ARG1: variants seen among roughly 807,000 people sequenced by gnomAD.
ARG1 encodes arginase 1, also known as arginase-1.
Under a neutral mutation model 33.0 loss-of-function variants are expected in ARG1, and 20 were observed. The ratio of observed to expected loss-of-function variants is 0.61; its 90% confidence interval spans 0.43 to 0.88. The LOEUF is 0.88. Among genes scored for constraint, ARG1 ranks in the 40% least tolerant of loss-of-function variants. ARG1 has a pLI of 0.00. For synonymous variants in ARG1, 146 were observed against 140.6 expected (o/e 1.04, Z -0.27); for missense variants, 374 against 384.7 (o/e 0.97, Z 0.23).
intron 3 of ARG1, chr6:131,579,789 T>C (rs893913284): frequency 1.2e-5 from 2 of 160,260 alleles, no homozygotes; most frequent in Admixed American, 6.2e-5. Context: ...ATTTCTTTCA[T>C]GGCATCTTTT....
chr6:131,573,917 T>C (rs1773489411), intron 1 of ARG1: 2 of 312,854 alleles, frequency 6.4e-6, no homozygotes, highest in Admixed American at 4.2e-5. Flanking sequence ...TGTGCCTCAC[T>C]TGGAAGGGGA....
At chr6:131,575,931 T>C (rs1233449278) in intron 1 of ARG1, among the ~76,000 whole-genome samples, 1 of 152,202 alleles carries the variant, frequency 6.6e-6, no homozygotes, top group Non-Finnish European at 1.5e-5. Context: ...CTTTTTCTGT[T>C]GCCTGCTTTC....
rs111253965 is a variant in ARG1, at chr6:131,583,487, A to C, written c.798A>C (p.Lys266Asn). Residue 266 changes from lysine to asparagine, a missense_variant, in exon 7 of 8, where the codon AAA (lysine) becomes AAC (asparagine). Coordinates refer to ENST00000368087, the MANE Select transcript of ARG1 (RefSeq NM_000045.4). The part of the protein sequence containing the change: ...EGLYITEEIY[K>N]TGLLSGLDIM... ...TCTACATCACAGAAGAAATCTACAA[A>C]ACAGGTAGTTAACAATCTGAGGTAA... is the stretch of plus-strand genomic sequence containing the variant. 8.4e-5 allele frequency: 136 copies of C among 1,614,106 alleles called. 2 individuals carry two copies. The African/African-American group carries it at 1.6e-3, about 19-fold the overall frequency.
At chr6:131,581,541 G>A (rs1245631115) in intron 4 of ARG1, among the ~76,000 whole-genome samples, 163 bp downstream of exon 4, 1 of 152,186 alleles carries the variant, frequency 6.6e-6, no homozygotes, top group African/African-American at 2.4e-5. Context: ...AAGGCAGTGA[G>A]GCTCTCTATC....
Position 131,581,221 on chromosome 6 carries a change from T to C in ARG1, c.308T>C (p.Leu103Ser), listed in dbSNP as rs761773853. Residue 103 changes from leucine (L) to serine (S), a missense_variant and splice_region_variant, in exon 4 of 8, where the codon TTG (leucine) becomes TCG (serine). Transcript: ENST00000368087. The part of the protein sequence containing the change: ...ISLVLGGDHS[L>S]AIGSISGHAR... ...ACACAAAATTTTTTCCCCAAAAGTT[T>C]GGCAATTGGAAGCATCTCTGGCCAT... 5 of 1,613,774 alleles carry C rather than the reference T, an allele frequency of 3.1e-6. No individual in the cohort carries two copies. The highest frequency in any genetic ancestry group is 4.2e-6 in the Non-Finnish European group (5 of 1,179,780).
intron 2 of ARG1, among the ~76,000 whole-genome samples, chr6:131,577,431 C>A (rs1390901044): frequency 6.6e-6 from 1 of 152,080 alleles, no homozygotes; most frequent in Non-Finnish European, 1.5e-5. Context: ...CATTCAAGTA[C>A]AAGTCTTTGT....
chr6:131,578,177 G>A (rs1397285273), intron 2 of ARG1, among the ~76,000 whole-genome samples: 4 of 125,516 alleles, frequency 3.2e-5, no homozygotes, highest in African/African-American at 6.2e-5. Context: ...ATTACACTTC[G>A]TAAATCTTTA....
intron 4 of ARG1, among the ~76,000 whole-genome samples, chr6:131,582,070 A>G (rs1463240282): frequency 6.6e-6 from 1 of 152,196 alleles, no homozygotes; most frequent in Non-Finnish European, 1.5e-5. Context: ...GGTCCTTATG[A>G]TGATACAAGA....
Position 131,584,187 on chromosome 6 carries a change from A to G in ARG1, c.*279A>G, listed in dbSNP as rs1213508983. ...TCCAATTAAAAATTTGCTGGCATTA[A>G]AAATAAGCACACTTACATAAGCCCC... On this transcript the variant is annotated 3_prime_UTR_variant, in exon 8 of 8. Transcript: ENST00000368087. 1 of 417,710 alleles carries G rather than the reference A, an allele frequency of 2.4e-6. No homozygotes were observed. The highest frequency in any genetic ancestry group is 4.3e-6 in the Non-Finnish European group (1 of 230,592). The allele number at this position is 417,710 out of a possible 1,614,324, so 25.9% of individuals were successfully genotyped here.
At position 131,573,245 on chromosome 6, in the gene ARG1, C is replaced by T. The variant is rs1562351309; in HGVS notation, c.-38C>T. The T allele has an allele frequency of 6.2e-7, 1 of 1,612,872 alleles. No homozygotes were observed. Among genetic ancestry groups the T allele is most frequent in the Non-Finnish European group, 8.5e-7 (1 of 1,178,930 alleles). ...CCCTCTGTCACTGAGGGTTGACTGACTGGAGAGCTCAAGTGCAGCAAAGAG... is the reference window on the plus strand; with the variant it reads ...CCCTCTGTCACTGAGGGTTGACTGATTGGAGAGCTCAAGTGCAGCAAAGAG... On this transcript the variant is annotated 5_prime_UTR_variant, in exon 1 of 8. Transcript: ENST00000368087.
rs1314273098 is a variant in ARG1, at chr6:131,583,177, T to G, written c.665+13T>G. 1 of 1,609,942 alleles carries G rather than the reference T, an allele frequency of 6.2e-7. No homozygotes were observed. On this transcript the variant is annotated intron_variant, in intron 6 of 7. Coordinates refer to ENST00000368087, the MANE Select transcript of ARG1 (RefSeq NM_000045.4). ...ATCTACTAGGAAGGTAGGATTCTTT[T>G]GTGTGTGCACACATGTGTGTGCAAC...
intron 3 of ARG1, chr6:131,579,666 A>G (rs922119475): frequency 1.2e-5 from 2 of 163,078 alleles, no homozygotes; most frequent in African/African-American, 2.4e-5. Flanking sequence ...TTTTCATTAT[A>G]AAAGTAATGA....
intron 1 of ARG1, chr6:131,574,282 ACT>A (rs1212481985): frequency 1.2e-6 from 2 of 1,613,938 alleles, no homozygotes; most frequent in East Asian, 4.5e-5. Context: ...CTTGCTGTGT[ACT>A]CTGACTTTTT....
chr6:131,578,725 T>C (rs1489332563), intron 2 of ARG1, among the ~76,000 whole-genome samples: 1 of 152,058 alleles, frequency 6.6e-6, no homozygotes, highest in Non-Finnish European at 1.5e-5. Context: ...TTAATTATTA[T>C]CAAAATGAAG....
In ARG1 at chr6:131,577,630, G is replaced by A. The variant is rs919268110; in HGVS notation, c.130+895G>A. 3.9e-5 allele frequency among the ~76,000 whole-genome samples: 6 copies of A among 152,024 alleles called. No homozygotes were observed. The South Asian group carries it at 1.0e-3, about 26-fold the overall frequency. ...AAAAAGGAATGGACTGGTCGGGCAC[G>A]GTGGCTGAGGCCTGTAATCCTATCA... On this transcript the variant is annotated intron_variant, in intron 2 of 7. Coordinates refer to ENST00000368087, the MANE Select transcript of ARG1 (RefSeq NM_000045.4).
Position 131,579,198 on chromosome 6 carries a change from T to C in ARG1, c.218T>C (p.Val73Ala), listed in dbSNP as rs867223787. 6.2e-7 allele frequency: 1 copy of C among 1,613,880 alleles called. No homozygotes were observed. Among genetic ancestry groups the C allele is most frequent in the South Asian group, 1.1e-5 (1 of 91,070 alleles). The change falls in exon 3 of 8, where the codon GTG becomes GCG. Residue 73 changes from valine (V) to alanine (A), a missense_variant. Transcript: ENST00000368087. Reference protein sequence around the residue: ...PFQIVKNPRSVGKASEQLAGK... With the variant: ...PFQIVKNPRSAGKASEQLAGK... ...CAAATTGTGAAGAATCCAAGGTCTG[T>C]GGGAAAAGCAAGCGAGCAGCTGGCT...
intron 3 of ARG1, among the ~76,000 whole-genome samples, chr6:131,580,144 G>C (rs1773846743): frequency 6.6e-6 from 1 of 152,130 alleles, no homozygotes; most frequent in Non-Finnish European, 1.5e-5. Context: ...AGAAAGGCCT[G>C]ATTAGATCTA....
intron 2 of ARG1, among the ~76,000 whole-genome samples, chr6:131,577,106 A>G (rs1477868798): frequency 6.6e-6 from 1 of 152,218 alleles, no homozygotes; most frequent in African/African-American, 2.4e-5. Context: ...AAATAAAATA[A>G]AACAGTAATA....
chr6:131,580,578 C>T (rs924984993), intron 3 of ARG1, among the ~76,000 whole-genome samples: 1 of 152,154 alleles, frequency 6.6e-6, no homozygotes, highest in Non-Finnish European at 1.5e-5. Flanking sequence ...TGCAAGATAT[C>T]ATTTATGTCT....
Sources: gnomAD v4.1 joint callset for allele counts (sites outside exome capture counted in the v4.1 genomes callset) on GRCh38, gnomAD v4.1.1 for gene constraint, MANE v1.5 for transcripts, NCBI Gene and HGNC (gene_info 2026-07-23, HGNC 2026-07-21) for gene names.